The following SPARCL1 variants were observed in gnomAD, a reference collection of about 807,000 sequenced individuals.
The protein encoded by SPARCL1 is SPARC-like protein 1.
Under a neutral mutation model 67.1 loss-of-function variants are expected in SPARCL1, and 52 were observed. That is an observed-to-expected ratio of 0.78 (90% CI 0.62 to 0.98). The LOEUF (loss-of-function observed/expected upper bound fraction) is 0.98, where lower values mean the gene tolerates loss of function less well. Ranked by LOEUF, SPARCL1 falls within the 50% of genes least tolerant of loss-of-function variation. The pLI is 0.00. For missense variants in SPARCL1, 717 were observed against 782.4 expected, an observed-to-expected ratio of 0.92 and a Z score of 1.00; for synonymous variants, 226 against 267.8, an observed-to-expected ratio of 0.84 and a Z score of 1.52.
At chr4:87,522,201 G>A (rs1321944181) in intron 1 of SPARCL1, among the ~76,000 whole-genome samples, 3 of 152,034 alleles carry the variant, frequency 2.0e-5, no homozygotes, top group Non-Finnish European at 2.9e-5. Context: ...GTTCTCTGCT[G>A]AGTCACCATC....
rs538842857 is a variant in SPARCL1 at position 87,475,881 on chromosome 4, T to C, written c.1967-2078A>G. Among the ~76,000 whole-genome samples, 74 of 152,326 alleles carry C rather than the reference T, an allele frequency of 4.9e-4. No homozygotes were observed. In the South Asian group the frequency reaches 0.014, roughly 28 times the overall value. ...TTCAACCCAGCAATCCCATACTGGGTATATTTATAAAAAAATCATTTTACT... is the reference window on the plus strand; with the variant it reads ...TTCAACCCAGCAATCCCATACTGGGCATATTTATAAAAAAATCATTTTACT... On this transcript the variant is annotated intron_variant, in intron 10 of 10. Coordinates refer to ENST00000282470, the MANE Select transcript of SPARCL1 (RefSeq NM_004684.6).
At chr4:87,499,322 C>A (rs1724750908) in intron 2 of SPARCL1, among the ~76,000 whole-genome samples, 199 bp downstream of exon 2, 1 of 152,108 alleles carries the variant, frequency 6.6e-6, no homozygotes, top group African/African-American at 2.4e-5. Flanking sequence ...CCTGTAGAAC[C>A]TGATAGTTCT....
chr4:87,516,168 G>C (rs1725574361), intron 1 of SPARCL1, among the ~76,000 whole-genome samples: 1 of 152,174 alleles, frequency 6.6e-6, no homozygotes, highest in African/African-American at 2.4e-5. Context: ...ACCAATCCCA[G>C]CTTTGCATCT....
intron 8 of SPARCL1, among the ~76,000 whole-genome samples, chr4:87,481,743 C>T (rs893024793): frequency 2.0e-5 from 3 of 152,178 alleles, no homozygotes; most frequent in African/African-American, 7.2e-5. Context: ...CATAAATGCT[C>T]ATTTTACTAT....
intron 2 of SPARCL1, among the ~76,000 whole-genome samples, chr4:87,498,091 A>G (rs1412532263): frequency 6.6e-6 from 1 of 152,204 alleles, no homozygotes; most frequent in East Asian, 1.9e-4. Flanking sequence ...TTTACATAAC[A>G]GCAACAGCCA....
chr4:87,488,744 C>A (rs1289755166), intron 7 of SPARCL1, among the ~76,000 whole-genome samples: 2 of 152,200 alleles, frequency 1.3e-5, no homozygotes. Context: ...TATCTATAAA[C>A]CCCTGACTGG....
At chr4:87,522,653 A>ACACACACACG (rs1218709843) in intron 1 of SPARCL1, among the ~76,000 whole-genome samples, 1 of 147,364 alleles carries the variant, frequency 6.8e-6, no homozygotes, top group African/African-American at 2.5e-5. Context: ...ACACACACAC[A>ACACACACACG]CACACACACA....
chr4:87,510,270 A>T (rs1243310213), intron 1 of SPARCL1, among the ~76,000 whole-genome samples: 1 of 152,102 alleles, frequency 6.6e-6, no homozygotes, highest in Non-Finnish European at 1.5e-5. Flanking sequence ...CTTAAAATTG[A>T]TAGCAACAGG....
chr4:87,478,612 AT>A (rs1723678125), intron 10 of SPARCL1, among the ~76,000 whole-genome samples: 1 of 151,744 alleles, frequency 6.6e-6, no homozygotes, highest in Non-Finnish European at 1.5e-5. Flanking sequence ...TAATTTTTGT[AT>A]TTTTGGTAGA....
chr4:87,504,157 G>GTGTT (rs1724975844), intron 1 of SPARCL1, among the ~76,000 whole-genome samples: 1 of 113,432 alleles, frequency 8.8e-6, no homozygotes, highest in East Asian at 2.6e-4. Context: ...GTGTGTGTGT[G>GTGTT]TGTGTGTGTG....
chr4:87,498,441 G>T (rs1006208358), intron 2 of SPARCL1, among the ~76,000 whole-genome samples: 4 of 152,168 alleles, frequency 2.6e-5, no homozygotes, highest in African/African-American at 9.7e-5. Flanking sequence ...AAAGGAGGCT[G>T]ATTCCTCCAT....
intron 1 of SPARCL1, among the ~76,000 whole-genome samples, chr4:87,523,179 C>G (rs1725894846): frequency 6.6e-6 from 1 of 151,436 alleles, no homozygotes; most frequent in Non-Finnish European, 1.5e-5. Flanking sequence ...AAGAATTGCT[C>G]CAGCCCAGGA....
intron 1 of SPARCL1, among the ~76,000 whole-genome samples, chr4:87,508,471 A>G (rs913779320): frequency 8.6e-5 from 13 of 151,862 alleles, no homozygotes; most frequent in African/African-American, 2.9e-4. Flanking sequence ...AAGTGCTGAG[A>G]TTACAGACAT....
chr4:87,516,236 C>T (rs1338802376), intron 1 of SPARCL1, among the ~76,000 whole-genome samples: 1 of 152,294 alleles, frequency 6.6e-6, no homozygotes, highest in East Asian at 1.9e-4. Context: ...TCCAGATCAG[C>T]TCATCTCCTA....
intron 2 of SPARCL1, among the ~76,000 whole-genome samples, chr4:87,498,474 T>C (rs191847864): frequency 6.6e-6 from 1 of 152,190 alleles, no homozygotes; most frequent in Non-Finnish European, 1.5e-5. Context: ...AAAAAAAATA[T>C]GGCACGAATC....
intron 1 of SPARCL1, among the ~76,000 whole-genome samples, chr4:87,522,200 T>C (rs2110266522): frequency 6.6e-6 from 1 of 152,268 alleles, no homozygotes; most frequent in African/African-American, 2.4e-5. Flanking sequence ...AGTTCTCTGC[T>C]GAGTCACCAT....
At chr4:87,488,374 C>T (rs1560815644) in intron 7 of SPARCL1, among the ~76,000 whole-genome samples, 1 of 152,160 alleles carries the variant, frequency 6.6e-6, no homozygotes, top group Non-Finnish European at 1.5e-5. Context: ...TGCTGGAGTT[C>T]ACTCAAGGTC....
At chr4:87,495,867 G>T (rs1724594443) in intron 2 of SPARCL1, among the ~76,000 whole-genome samples, 1 of 152,206 alleles carries the variant, frequency 6.6e-6, no homozygotes, top group South Asian at 2.1e-4. Context: ...GGAGGCGGAG[G>T]TTGCAGTGAG....
intron 2 of SPARCL1, among the ~76,000 whole-genome samples, chr4:87,495,586 A>C (rs1724582897): frequency 6.6e-6 from 1 of 152,180 alleles, no homozygotes; most frequent in African/African-American, 2.4e-5. Context: ...TTTTATCAAT[A>C]TTTATTTGAT....
Sources: gnomAD v4.1 joint callset for allele counts (sites outside exome capture counted in the v4.1 genomes callset) on GRCh38, gnomAD v4.1.1 for gene constraint, MANE v1.5 for transcripts, NCBI Gene and HGNC (gene_info 2026-07-23, HGNC 2026-07-21) for gene names.